RBFOX1: variants seen among roughly 807,000 people sequenced by gnomAD.
RBFOX1 encodes RNA binding protein fox-1 homolog 1.
A neutral mutation model predicts 57.7 loss-of-function variants in RBFOX1; 8 were observed. The ratio of observed to expected loss-of-function variants is 0.14; its 90% CI spans 0.08 to 0.25. The LOEUF is 0.25. Ranked by LOEUF, RBFOX1 falls within the 10% of genes least tolerant of loss-of-function variation. The probability of loss-of-function intolerance (pLI) is 1.00; values close to 1 mark genes in which losing one functional copy is unlikely to be tolerated. For synonymous variants in RBFOX1, 326 were observed against 222.4 expected (o/e 1.47, Z -4.15); for missense variants, 611 against 548.5 (o/e 1.11, Z -1.14).
At chr16:6,912,395 G>A (rs73541197) in intron 3 of RBFOX1, among the ~76,000 whole-genome samples, 1,851 of 150,812 alleles carry the variant, frequency 0.012, 35 homozygotes, top group African/African-American at 0.043. Flanking sequence ...TACATTTTGC[G>A]AACCACGGGG....
intron 4 of RBFOX1, among the ~76,000 whole-genome samples, chr16:7,387,992 G>A (rs955177106): frequency 6.6e-6 from 1 of 151,812 alleles, no homozygotes; most frequent in Admixed American, 6.6e-5. Context: ...ATTGTGGGGG[G>A]AAAAAGAGCA....
At chr16:5,448,114 T>C (rs1489647035) in intron 1 of RBFOX1, among the ~76,000 whole-genome samples, 1 of 152,200 alleles carries the variant, frequency 6.6e-6, no homozygotes, top group Non-Finnish European at 1.5e-5. Flanking sequence ...GACATCCTGT[T>C]CTTAAATTGA....
chr16:6,173,900 T>TTTG (rs951290035), intron 1 of RBFOX1, among the ~76,000 whole-genome samples: 1 of 141,466 alleles, frequency 7.1e-6, no homozygotes, highest in African/African-American at 3.1e-5. Context: ...TGTTTGTTTG[T>TTTG]TTTTTTTACT....
intron 2 of RBFOX1, among the ~76,000 whole-genome samples, chr16:6,429,427 T>G (rs2094016508): frequency 6.6e-6 from 1 of 152,218 alleles, no homozygotes; most frequent in African/African-American, 2.4e-5. Flanking sequence ...CATTCACTTT[T>G]CTATAGATCC....
At chr16:7,468,886 G>T (rs963813614) in intron 4 of RBFOX1, among the ~76,000 whole-genome samples, 1 of 152,060 alleles carries the variant, frequency 6.6e-6, no homozygotes, top group Non-Finnish European at 1.5e-5. Context: ...CCGTCCAAAT[G>T]ACCTGATTCA....
At chr16:7,652,844 G>A (rs2065374566) in intron 11 of RBFOX1, among the ~76,000 whole-genome samples, 2 of 152,182 alleles carry the variant, frequency 1.3e-5, no homozygotes, top group South Asian at 2.1e-4. Flanking sequence ...CTCATGGCAT[G>A]TGTGGTTTGT....
rs28537742 is a variant in RBFOX1 at position 6,998,309 on chromosome 16, A to G, written c.-15-53748A>G. 2.9e-3 allele frequency among the ~76,000 whole-genome samples: 444 copies of G among 152,296 alleles called. 4 individuals carry two copies. Among genetic ancestry groups the G allele is most frequent in the African/African-American group, 0.01 (424 of 41,566 alleles). On this transcript the variant is annotated intron_variant, in intron 3 of 15. Transcript: ENST00000550418. ...AGGAGAGGAGACTGAAGGATGAACAACACTCATTAGTGTCTTCCATTGTGT... is the reference window on the plus strand; with the variant it reads ...AGGAGAGGAGACTGAAGGATGAACAGCACTCATTAGTGTCTTCCATTGTGT...
intron 2 of RBFOX1, among the ~76,000 whole-genome samples, chr16:6,613,746 G>A (rs1227893775): frequency 2.0e-5 from 3 of 152,176 alleles, no homozygotes; most frequent in Non-Finnish European, 4.4e-5. Flanking sequence ...AGACCGGCCT[G>A]GCCAACATGG....
intron 4 of RBFOX1, among the ~76,000 whole-genome samples, chr16:7,459,150 T>C (rs1304838461): frequency 1.3e-5 from 2 of 152,052 alleles, no homozygotes; most frequent in Non-Finnish European, 2.9e-5. Flanking sequence ...GAATGACGGG[T>C]AGATGTATGG....
intron 2 of RBFOX1, among the ~76,000 whole-genome samples, chr16:5,467,965 C>G (rs894027096): frequency 3.3e-5 from 5 of 152,096 alleles, no homozygotes; most frequent in Non-Finnish European, 7.3e-5. Flanking sequence ...GATTGCATGG[C>G]TGGCCCTTGA....
At chr16:7,326,994 A>G (rs2096620035) in intron 4 of RBFOX1, among the ~76,000 whole-genome samples, 1 of 152,136 alleles carries the variant, frequency 6.6e-6, no homozygotes, top group South Asian at 2.1e-4. Flanking sequence ...ATACTTCCTT[A>G]TTTGAGCCAA....
chr16:5,789,582 C>T (rs1312498667), intron 3 of RBFOX1, among the ~76,000 whole-genome samples: 1 of 152,196 alleles, frequency 6.6e-6, no homozygotes, highest in Non-Finnish European at 1.5e-5. Flanking sequence ...TAGTATTTTA[C>T]CAGCTACTGA....
At chr16:7,201,188 C>G (rs974188884) in intron 4 of RBFOX1, among the ~76,000 whole-genome samples, 1 of 152,144 alleles carries the variant, frequency 6.6e-6, no homozygotes, top group African/African-American at 2.4e-5. Context: ...GAGGTTAAAA[C>G]AAAGTCTGGT....
At chr16:7,100,167 A>G (rs899977199) in intron 4 of RBFOX1, among the ~76,000 whole-genome samples, 1 of 152,142 alleles carries the variant, frequency 6.6e-6, no homozygotes, top group Non-Finnish European at 1.5e-5. Flanking sequence ...CAGAGAAAAC[A>G]AAATTGAAGT....
intron 5 of RBFOX1, among the ~76,000 whole-genome samples, chr16:7,538,446 A>T (rs1225423618): frequency 6.6e-6 from 1 of 152,058 alleles, no homozygotes; most frequent in Non-Finnish European, 1.5e-5. Flanking sequence ...TTACTATTAT[A>T]GTGTTGCTGT....
At chr16:6,204,156 T>A (rs1430300622) in intron 1 of RBFOX1, among the ~76,000 whole-genome samples, 1 of 152,186 alleles carries the variant, frequency 6.6e-6, no homozygotes, top group African/African-American at 2.4e-5. Context: ...GATACTCAAC[T>A]TTGGAATCTT....
chr16:7,036,096 G>C (rs1487188511), intron 3 of RBFOX1, among the ~76,000 whole-genome samples: 2 of 152,162 alleles, frequency 1.3e-5, no homozygotes, highest in Non-Finnish European at 2.9e-5. Flanking sequence ...AGATGCGAAA[G>C]TCAGAATAGC....
intron 5 of RBFOX1, among the ~76,000 whole-genome samples, chr16:7,537,191 G>C (rs1360235061): frequency 6.6e-6 from 1 of 152,228 alleles, no homozygotes; most frequent in Non-Finnish European, 1.5e-5. Context: ...CTGCCAGTAA[G>C]CTCTTGCCAT....
chr16:6,814,834 AG>A (rs2089684273), intron 3 of RBFOX1, among the ~76,000 whole-genome samples: 1 of 152,128 alleles, frequency 6.6e-6, no homozygotes, highest in African/African-American at 2.4e-5. Context: ...GTTTCTGGAA[AG>A]GGGTCCTGAT....
Sources: gnomAD v4.1 joint callset for allele counts (sites outside exome capture counted in the v4.1 genomes callset) on GRCh38, gnomAD v4.1.1 for gene constraint, MANE v1.5 for transcripts, NCBI Gene and HGNC (gene_info 2026-07-23, HGNC 2026-07-21) for gene names.